The following BRINP3 variants were observed in gnomAD, a reference collection of about 807,000 sequenced individuals.
The protein encoded by BRINP3 is BMP/retinoic acid inducible neural specific 3, also known as BMP/retinoic acid-inducible neural-specific protein 3.
In BRINP3, 19 loss-of-function variants were observed where a neutral mutation model predicts 71.0. The observed-to-expected ratio is 0.27, with a 90% CI of 0.19 to 0.39. The LOEUF is 0.39. Among genes scored for constraint, BRINP3 ranks in the 10% least tolerant of loss-of-function variants. BRINP3 has a pLI of 1.00. For synonymous variants in BRINP3, 380 were observed against 337.7 expected, an observed-to-expected ratio of 1.13 and a Z score of -1.37; for missense variants, 959 against 940.8, an observed-to-expected ratio of 1.02 and a Z score of -0.25.
chr1:190,243,920 C>A (rs1299550288), intron 4 of BRINP3, among the ~76,000 whole-genome samples: 1 of 152,000 alleles, frequency 6.6e-6, no homozygotes, highest in Non-Finnish European at 1.5e-5. Flanking sequence ...ACTTTTTAAT[C>A]TTTATTGTTT....
At position 190,411,861 on chromosome 1, in the gene BRINP3, A is replaced by T. The variant is rs1672689640; in HGVS notation, c.236+42794T>A. On this transcript the variant is annotated intron_variant, in intron 2 of 7. Coordinates refer to ENST00000367462, the MANE Select transcript of BRINP3 (RefSeq NM_199051.3). Reference sequence around the variant, plus strand: ...AAGAAAGCTAAATCCTAAGAGCTTGAAAAGATGGATGTAGGAACAGCAAGT... The same window carrying T: ...AAGAAAGCTAAATCCTAAGAGCTTGTAAAGATGGATGTAGGAACAGCAAGT... Among the ~76,000 whole-genome samples the T allele has an allele frequency of 5.3e-5, 8 of 152,236 alleles. No homozygotes were observed. In the South Asian group the frequency reaches 1.4e-3, roughly 28 times the overall value.
intron 2 of BRINP3, among the ~76,000 whole-genome samples, chr1:190,405,687 T>C (rs1672238601): frequency 6.6e-6 from 1 of 152,046 alleles, no homozygotes; most frequent in Non-Finnish European, 1.5e-5. Context: ...CTAGATACAC[T>C]ATTCTGAAAT....
At chr1:190,436,699 C>G (rs534269493) in intron 2 of BRINP3, among the ~76,000 whole-genome samples, 1 of 151,530 alleles carries the variant, frequency 6.6e-6, no homozygotes, top group Non-Finnish European at 1.5e-5. Context: ...AGGAAATATG[C>G]CTGGTTGAAA....
At chr1:190,123,900 T>C (rs1323966529) in intron 7 of BRINP3, among the ~76,000 whole-genome samples, 1 of 152,146 alleles carries the variant, frequency 6.6e-6, no homozygotes, top group Non-Finnish European at 1.5e-5. Context: ...CCTATTTAGA[T>C]AGTTGCATCA....
intron 2 of BRINP3, among the ~76,000 whole-genome samples, chr1:190,323,927 A>T (rs1368655683): frequency 1.3e-5 from 2 of 152,016 alleles, no homozygotes; most frequent in African/African-American, 4.8e-5. Context: ...ATTGTTGTTG[A>T]AAAGAAAACA....
At chr1:190,203,037 T>C (rs1454384437) in intron 6 of BRINP3, among the ~76,000 whole-genome samples, 1 of 152,118 alleles carries the variant, frequency 6.6e-6, no homozygotes, top group Non-Finnish European at 1.5e-5. Flanking sequence ...CTGTCATTTT[T>C]ACAAATGGGC....
chr1:190,327,218 G>C (rs182179537), intron 2 of BRINP3, among the ~76,000 whole-genome samples: 106 of 149,614 alleles, frequency 7.1e-4, no homozygotes, highest in African/African-American at 2.4e-3. Flanking sequence ...GGAAGGCTGA[G>C]GTAGGAGACT....
At chr1:190,253,191 G>A (rs960442519) in intron 4 of BRINP3, among the ~76,000 whole-genome samples, 2 of 152,104 alleles carry the variant, frequency 1.3e-5, no homozygotes, top group Non-Finnish European at 2.9e-5. Flanking sequence ...TGGACATTTG[G>A]GTTGGTTCCA....
At chr1:190,409,968 G>A (rs1672556415) in intron 2 of BRINP3, among the ~76,000 whole-genome samples, 1 of 152,080 alleles carries the variant, frequency 6.6e-6, no homozygotes, top group Non-Finnish European at 1.5e-5. Flanking sequence ...CAAGAAAATG[G>A]CAAGAATTGG....
At chr1:190,418,463 T>C (rs957754511) in intron 2 of BRINP3, among the ~76,000 whole-genome samples, 2 of 152,156 alleles carry the variant, frequency 1.3e-5, no homozygotes, top group African/African-American at 4.8e-5. Flanking sequence ...TATCTTACAA[T>C]TTTGCAATTT....
At chr1:190,414,119 T>A (rs1312535946) in intron 2 of BRINP3, among the ~76,000 whole-genome samples, 2 of 152,026 alleles carry the variant, frequency 1.3e-5, no homozygotes, top group Admixed American at 6.6e-5. Flanking sequence ...GACCATGTTT[T>A]ATTTTTCTGG....
At chr1:190,321,310 A>G (rs1227875087) in intron 2 of BRINP3, among the ~76,000 whole-genome samples, 1 of 152,116 alleles carries the variant, frequency 6.6e-6, no homozygotes, top group African/African-American at 2.4e-5. Flanking sequence ...ACATAACTGT[A>G]ATTTGAATTA....
chr1:190,200,478 G>A (rs547214189), intron 6 of BRINP3, among the ~76,000 whole-genome samples: 18 of 152,116 alleles, frequency 1.2e-4, no homozygotes, highest in African/African-American at 4.1e-4. Context: ...AACCTCACTA[G>A]GAACATAGAA....
intron 2 of BRINP3, among the ~76,000 whole-genome samples, chr1:190,338,202 CTT>C (rs1667418016): frequency 1.3e-5 from 2 of 152,160 alleles, no homozygotes; most frequent in South Asian, 4.1e-4. Context: ...CGAATGACAT[CTT>C]TTCTTTTGCT....
At chr1:190,460,839 T>C (rs575557348) in intron 1 of BRINP3, among the ~76,000 whole-genome samples, 2 of 152,346 alleles carry the variant, frequency 1.3e-5, no homozygotes, top group African/African-American at 4.8e-5. Flanking sequence ...CTCACTCACA[T>C]ATACAATCTG....
In BRINP3 at chr1:190,098,394, T is replaced by C. The variant is rs1651386847; in HGVS notation, c.1925A>G (p.Glu642Gly). 6.2e-7 allele frequency: 1 copy of C among 1,614,066 alleles called. No individual in the cohort carries two copies. The highest frequency in any genetic ancestry group is 1.3e-5 in the African/African-American group (1 of 74,912). The change falls in exon 8 of 8, where the codon GAG (glutamate) becomes GGG (glycine). Residue 642 changes from glutamate to glycine, a missense_variant. Coordinates refer to ENST00000367462, the MANE Select transcript of BRINP3 (RefSeq NM_199051.3). ...CTCCAGAGGTTCATAGTAAATGCTC[T>C]CATTACCATTGGGACCATTGGACTT... The part of the protein sequence containing the change: ...RIKSNGPNGN[E>G]SIYYEPLEFI...
At chr1:190,268,131 C>G (rs753579595) in intron 3 of BRINP3, among the ~76,000 whole-genome samples, 2 of 152,130 alleles carry the variant, frequency 1.3e-5, no homozygotes, top group South Asian at 4.2e-4. Context: ...AGTAGGAAAT[C>G]ATTAATATAA....
chr1:190,327,182 T>A (rs1056279926), intron 2 of BRINP3, among the ~76,000 whole-genome samples: 1 of 150,060 alleles, frequency 6.7e-6, no homozygotes, highest in African/African-American at 2.4e-5. Context: ...AGGCGTTTTG[T>A]TGGGCACCTG....
At chr1:190,306,791 T>C (rs996499243) in intron 2 of BRINP3, among the ~76,000 whole-genome samples, 2 of 152,070 alleles carry the variant, frequency 1.3e-5, no homozygotes, top group South Asian at 2.1e-4. Context: ...AAAAGTGGGT[T>C]ATATAAATGT....
Sources: gnomAD v4.1 joint callset for allele counts (sites outside exome capture counted in the v4.1 genomes callset) on GRCh38, gnomAD v4.1.1 for gene constraint, MANE v1.5 for transcripts, NCBI Gene and HGNC (gene_info 2026-07-23, HGNC 2026-07-21) for gene names.